The following FAM20B variants were observed in gnomAD, a reference collection of about 807,000 sequenced individuals.
FAM20B encodes glycosaminoglycan xylosylkinase.
A neutral mutation model predicts 43.8 loss-of-function variants in FAM20B; 23 were observed. The ratio of observed to expected loss-of-function variants is 0.53; its 90% CI spans 0.38 to 0.74. FAM20B has a LOEUF of 0.74. FAM20B is among the 30% of genes least tolerant of loss of function. The pLI, the probability that FAM20B is intolerant of heterozygous loss-of-function variation, is 0.00. For missense variants in FAM20B, 440 were observed against 510.5 expected, an observed-to-expected ratio of 0.86 and a Z score of 1.33; for synonymous variants, 178 against 192.4, an observed-to-expected ratio of 0.93 and a Z score of 0.62.
upstream of FAM20B, among the ~76,000 whole-genome samples, chr1:179,023,141 G>C (rs1275417329): frequency 6.6e-6 from 1 of 152,194 alleles, no homozygotes; most frequent in African/African-American, 2.4e-5. Flanking sequence ...CAAGCCTCTG[G>C]TGGGTTCCAC....
chr1:179,039,372 A>T (rs762611123), intron 1 of FAM20B, among the ~76,000 whole-genome samples: 1 of 152,238 alleles, frequency 6.6e-6, no homozygotes, highest in Non-Finnish European at 1.5e-5. Flanking sequence ...GGTCAGCCCC[A>T]TGCTAGAAGG....
chr1:179,051,785 T>C (rs543525120), intron 3 of FAM20B, among the ~76,000 whole-genome samples: 4 of 152,278 alleles, frequency 2.6e-5, no homozygotes, highest in Non-Finnish European at 5.9e-5. Context: ...TAGCTGGGAC[T>C]ACAGGTACGC....
chr1:179,041,174 G>C (rs1650504815), intron 1 of FAM20B, among the ~76,000 whole-genome samples: 1 of 150,932 alleles, frequency 6.6e-6, no homozygotes, highest in Non-Finnish European at 1.5e-5. Context: ...TTTCCAGACT[G>C]GGCAGCCAGG....
the FAM20B span, among the ~76,000 whole-genome samples, chr1:179,019,873 C>G: frequency 1.3e-4 from 20 of 152,296 alleles, no homozygotes; most frequent in Admixed American, 1.1e-3. Context: ...TCAGTGGTCC[C>G]CTGTACTCCC....
chr1:179,067,490 G>C (rs1389758875), intron 7 of FAM20B, among the ~76,000 whole-genome samples: 17 of 152,156 alleles, frequency 1.1e-4, no homozygotes, highest in Admixed American at 1.1e-3. Context: ...CAGTATTCCA[G>C]CTACTTAGGA....
At chr1:179,046,513 GTTTT>G (rs1650779184) in intron 2 of FAM20B, among the ~76,000 whole-genome samples, 1 of 151,122 alleles carries the variant, frequency 6.6e-6, no homozygotes, top group African/African-American at 2.4e-5. Context: ...TTAGCCGGGC[GTTTT>G]GGTATGTGCC....
intron 4 of FAM20B, among the ~76,000 whole-genome samples, chr1:179,059,017 G>C (rs567727083): frequency 1.6e-4 from 24 of 152,294 alleles, no homozygotes; most frequent in Middle Eastern, 3.4e-3. Flanking sequence ...TTTAATCTTG[G>C]ATATTTTGTT....
chr1:179,027,366 A>G (rs1649832036), intron 1 of FAM20B, among the ~76,000 whole-genome samples: 1 of 152,228 alleles, frequency 6.6e-6, no homozygotes, highest in African/African-American at 2.4e-5. Flanking sequence ...CTAAGCTTAG[A>G]GCACTTCCTC....
chr1:179,041,729 C>T (rs1199394139), intron 1 of FAM20B, among the ~76,000 whole-genome samples: 1 of 134,050 alleles, frequency 7.5e-6, no homozygotes, highest in African/African-American at 3.3e-5. Flanking sequence ...GGGAGACGGG[C>T]CGGGAGAGGG....
chr1:179,040,550 C>T (rs1019717496), intron 1 of FAM20B, among the ~76,000 whole-genome samples: 14 of 136,774 alleles, frequency 1.0e-4, no homozygotes, highest in Non-Finnish European at 2.0e-4. Flanking sequence ...GACCCCCCTA[C>T]CTCCCTCCAG....
intron 4 of FAM20B, 30 bp downstream of exon 4, chr1:179,054,668 G>T (rs1651137644): frequency 7.4e-7 from 1 of 1,346,300 alleles, no homozygotes; most frequent in Non-Finnish European, 1.1e-6. Flanking sequence ...CATTTATATA[G>T]GGGAATGATT....
intron 4 of FAM20B, 40 bp from the exon 5 acceptor site, chr1:179,063,887 T>C (rs1173716261): frequency 1.3e-6 from 2 of 1,490,250 alleles, no homozygotes; most frequent in Non-Finnish European, 1.8e-6. Flanking sequence ...GGAGTCTTCG[T>C]TATTTCCTTA....
chr1:179,066,680 G>C, intron 6 of FAM20B, 120 bp from the exon 7 acceptor site: 3 of 703,758 alleles, frequency 4.3e-6, no homozygotes, highest in South Asian at 1.7e-5. Context: ...GATTTGAGCT[G>C]CTGGAGCGTG....
chr1:179,019,395 G>T, the FAM20B span, among the ~76,000 whole-genome samples: 1 of 151,916 alleles, frequency 6.6e-6, no homozygotes, highest in Admixed American at 6.5e-5. Context: ...GATGATTTTG[G>T]TTGGATGACT....
Position 179,044,097 on chromosome 1 carries a change from C to G in FAM20B, c.250C>G (p.Leu84Val), listed in dbSNP as rs763354686. 6.2e-7 allele frequency: 1 copy of G among 1,614,074 alleles called. No individual in the cohort carries two copies. Among genetic ancestry groups the G allele is most frequent in the South Asian group, 1.1e-5 (1 of 91,074 alleles). Residue 84 changes from leucine (L) to valine (V), a missense_variant, in exon 2 of 8, where the codon CTG (leucine) becomes GTG (valine). By Grantham distance (32) the Leu-to-Val change is conservative (BLOSUM62 1). Transcript: ENST00000263733. ...AGTGTACCCTGAAGAGACACCAGAG[C>G]TGGGGGCAGTCATGCATGCCATGGC... Reference protein sequence around the residue: ...REVYPEETPELGAVMHAMATK... With the variant: ...REVYPEETPEVGAVMHAMATK...
At chr1:179,061,575 T>G (rs979283654) in intron 4 of FAM20B, among the ~76,000 whole-genome samples, 1 of 151,924 alleles carries the variant, frequency 6.6e-6, no homozygotes, top group African/African-American at 2.4e-5. Context: ...GGCTAATGTT[T>G]TTACTTTTAG....
chr1:179,044,164 C>G lies in FAM20B; in HGVS notation c.317C>G (p.Thr106Arg), dbSNP rs1650665769. 6.2e-7 allele frequency: 1 copy of G among 1,614,020 alleles called. No individual in the cohort carries two copies. The highest frequency in any genetic ancestry group is 1.7e-5 in the Admixed American group (1 of 59,988). ...AAAGCTGATGTGGGTTATAAAGGGACACAGCTGAAAGCCTTACTGATACTT... is the reference window on the plus strand; with the variant it reads ...AAAGCTGATGTGGGTTATAAAGGGAGACAGCTGAAAGCCTTACTGATACTT... ...IIKADVGYKG[T>R]QLKALLILEG... Residue 106 changes from threonine to arginine, a missense_variant, in exon 2 of 8, where the codon ACA becomes AGA. Physicochemically the swap from Thr to Arg is moderately conservative, Grantham distance 71 (BLOSUM62 -1). Transcript: ENST00000263733.
chr1:179,024,477 T>C (rs914712554), upstream of FAM20B, among the ~76,000 whole-genome samples: 1 of 152,254 alleles, frequency 6.6e-6, no homozygotes, highest in Admixed American at 6.5e-5. Context: ...ATTAGCTAAC[T>C]GCAGGCAGAC....
intron 4 of FAM20B, among the ~76,000 whole-genome samples, chr1:179,055,889 G>A (rs1651197071): frequency 6.6e-6 from 1 of 152,232 alleles, no homozygotes; most frequent in African/African-American, 2.4e-5. Context: ...GAAAGTAATA[G>A]GTAGAGGGAT....
Sources: gnomAD v4.1 joint callset for allele counts (sites outside exome capture counted in the v4.1 genomes callset) on GRCh38, gnomAD v4.1.1 for gene constraint, MANE v1.5 for transcripts, NCBI Gene and HGNC (gene_info 2026-07-23, HGNC 2026-07-21) for gene names.